Variants in NUDCD3 observed in about 807,000 individuals in gnomAD.
NUDCD3 encodes nudC domain-containing protein 3.
A neutral mutation model predicts 39.7 loss-of-function variants in NUDCD3; 13 were observed. That is an observed-to-expected ratio of 0.33 (90% confidence interval 0.21 to 0.52). NUDCD3 has a LOEUF of 0.52. NUDCD3 is among the 20% of genes least tolerant of loss of function. NUDCD3 has a pLI of 0.96. For missense variants in NUDCD3, 453 were observed against 458.1 expected (o/e 0.99, Z 0.10); for synonymous variants, 175 against 172.4 (o/e 1.02, Z -0.12).
intron 4 of NUDCD3, chr7:44,402,554 T>G (rs1798745657): frequency 2.3e-6 from 1 of 438,296 alleles, no homozygotes; most frequent in African/African-American, 2.0e-5. Context: ...ATACGGTGGC[T>G]ATGGGCTCAG....
intron 3 of NUDCD3, among the ~76,000 whole-genome samples, chr7:44,416,421 G>A (rs1294606807): frequency 2.6e-5 from 4 of 152,018 alleles, no homozygotes; most frequent in East Asian, 3.9e-4. Context: ...CAGTTAGGAA[G>A]TCGGAGGTTG....
intron 2 of NUDCD3, among the ~76,000 whole-genome samples, chr7:44,433,713 G>A (rs1342577915): frequency 6.6e-6 from 1 of 152,098 alleles, no homozygotes; most frequent in Non-Finnish European, 1.5e-5. Context: ...TCATCTCACT[G>A]ACCTGGCACA....
chr7:44,455,931 CAGG>C (rs1440053503), intron 2 of NUDCD3, among the ~76,000 whole-genome samples: 1 of 139,050 alleles, frequency 7.2e-6, no homozygotes, highest in Non-Finnish European at 1.5e-5. Flanking sequence ...GAGGCTGAGG[CAGG>C]AGAATGGCGT....
intron 1 of NUDCD3, among the ~76,000 whole-genome samples, chr7:44,487,798 AC>A (rs1465669151): frequency 6.6e-6 from 1 of 151,950 alleles, no homozygotes; most frequent in Non-Finnish European, 1.5e-5. Flanking sequence ...TACTAAAAAT[AC>A]AAAAATTCTC....
At chr7:44,429,726 C>T (rs1799315517) in intron 2 of NUDCD3, among the ~76,000 whole-genome samples, 1 of 152,128 alleles carries the variant, frequency 6.6e-6, no homozygotes, top group South Asian at 2.1e-4. Flanking sequence ...TTAAACTACT[C>T]ACACAGGCGG....
At chr7:44,406,179 G>A (rs1798816239) in intron 3 of NUDCD3, among the ~76,000 whole-genome samples, 1 of 152,224 alleles carries the variant, frequency 6.6e-6, no homozygotes, top group South Asian at 2.1e-4. Context: ...CCCACTGGGG[G>A]ACACAGCGAA....
chr7:44,402,314 A>T (rs1169516354), intron 4 of NUDCD3, among the ~76,000 whole-genome samples: 1 of 152,176 alleles, frequency 6.6e-6, no homozygotes, highest in African/African-American at 2.4e-5. Flanking sequence ...AAAGAAGTTA[A>T]TGTTTTGGCC....
At chr7:44,399,914 A>G (rs560369171) in intron 4 of NUDCD3, among the ~76,000 whole-genome samples, 1 of 152,344 alleles carries the variant, frequency 6.6e-6, no homozygotes, top group African/African-American at 2.4e-5. Context: ...AATACTCCAG[A>G]GCAATTTCAC....
In NUDCD3 at chr7:44,463,097, A is replaced by G. The variant is rs138797419; in HGVS notation, c.509+21871T>C. On this transcript the variant is annotated intron_variant, in intron 2 of 5. Coordinates refer to ENST00000355451, the MANE Select transcript of NUDCD3 (RefSeq NM_015332.4). ...GAATATATGACACTAAGCGAAGGCTACACATGCAGCCTGGGTGTGTCTTGA... is the reference window on the plus strand; with the variant it reads ...GAATATATGACACTAAGCGAAGGCTGCACATGCAGCCTGGGTGTGTCTTGA... 2.6e-5 allele frequency among the ~76,000 whole-genome samples: 4 copies of G among 152,312 alleles called. No homozygotes were observed. The East Asian group carries it at 5.8e-4, about 22-fold the overall frequency.
intron 4 of NUDCD3, among the ~76,000 whole-genome samples, chr7:44,403,591 G>A (rs543631043): frequency 6.6e-6 from 1 of 152,312 alleles, no homozygotes; most frequent in Non-Finnish European, 1.5e-5. Flanking sequence ...GAGTCACTGT[G>A]AGCCTGAGAG....
chr7:44,482,952 G>C (rs1800523902), intron 2 of NUDCD3, among the ~76,000 whole-genome samples: 1 of 152,158 alleles, frequency 6.6e-6, no homozygotes. Context: ...AAATTAAGAA[G>C]TTACTAGATG....
chr7:44,488,356 A>C (rs1357525408), intron 1 of NUDCD3, among the ~76,000 whole-genome samples: 1 of 148,602 alleles, frequency 6.7e-6, no homozygotes, highest in East Asian at 1.9e-4. Flanking sequence ...AAAAAAAAAA[A>C]AGAAAGAAAA....
At chr7:44,447,438 T>C (rs1799709233) in intron 2 of NUDCD3, among the ~76,000 whole-genome samples, 1 of 152,176 alleles carries the variant, frequency 6.6e-6, no homozygotes, top group African/African-American at 2.4e-5. Context: ...AAGAAGTGAT[T>C]AGGTTATGAG....
intron 3 of NUDCD3, among the ~76,000 whole-genome samples, chr7:44,422,743 T>C (rs950665975): frequency 6.6e-6 from 1 of 152,072 alleles, no homozygotes; most frequent in African/African-American, 2.4e-5. Context: ...CTGAAACTAT[T>C]CCAAACAATA....
intron 2 of NUDCD3, among the ~76,000 whole-genome samples, chr7:44,431,537 C>G (rs1186332728): frequency 6.6e-6 from 1 of 152,098 alleles, no homozygotes; most frequent in East Asian, 1.9e-4. Flanking sequence ...GAGTCACTGT[C>G]ATGCAGACAA....
chr7:44,485,371 G>A (rs1800585442), intron 1 of NUDCD3, 87 bp from the exon 2 acceptor site: 3 of 1,202,954 alleles, frequency 2.5e-6, no homozygotes, highest in South Asian at 3.2e-5. Context: ...ATCTGTGAAG[G>A]AGAGAACTAA....
chr7:44,468,570 T>C (rs1198160951), intron 2 of NUDCD3, among the ~76,000 whole-genome samples: 1 of 152,046 alleles, frequency 6.6e-6, no homozygotes, highest in African/African-American at 2.4e-5. Flanking sequence ...GTTTCAGAGA[T>C]TAAAGGAGCA....
intron 2 of NUDCD3, among the ~76,000 whole-genome samples, chr7:44,480,424 A>G (rs1800464427): frequency 6.6e-6 from 1 of 152,192 alleles, no homozygotes; most frequent in African/African-American, 2.4e-5. Flanking sequence ...TTTTTTCTAC[A>G]TACATAATTT....
chr7:44,434,163 G>A (rs1172371722), intron 2 of NUDCD3, among the ~76,000 whole-genome samples: 1 of 152,110 alleles, frequency 6.6e-6, no homozygotes, highest in Non-Finnish European at 1.5e-5. Context: ...TCCTAGGAGT[G>A]TTCACTCCTG....
Sources: gnomAD v4.1 joint callset for allele counts (sites outside exome capture counted in the v4.1 genomes callset) on GRCh38, gnomAD v4.1.1 for gene constraint, MANE v1.5 for transcripts, NCBI Gene and HGNC (gene_info 2026-07-23, HGNC 2026-07-21) for gene names.